PIGQ: variants seen among roughly 807,000 people sequenced by gnomAD.
PIGQ encodes the protein phosphatidylinositol glycan anchor biosynthesis class Q.
Under a neutral mutation model 60.3 loss-of-function variants are expected in PIGQ, and 54 were observed. The ratio of observed to expected loss-of-function variants is 0.90; its 90% confidence interval spans 0.72 to 1.12. The LOEUF is 1.12. PIGQ is among the 50% of genes most tolerant of loss of function. The pLI is 0.00. For missense variants in PIGQ, 799 were observed against 793.5 expected (o/e 1.01, Z -0.08); for synonymous variants, 416 against 363.7 (o/e 1.14, Z -1.64).
rs1446803088 is a variant in PIGQ, at chr16:578,855, C to G, written c.1140C>G (p.Gly380=). 6.2e-6 allele frequency: 10 copies of G among 1,613,784 alleles called. No homozygotes were observed. The highest frequency in any genetic ancestry group is 6.8e-6 in the Non-Finnish European group (8 of 1,179,922). The part of the protein sequence containing the change: ...LWHVGLSACL[G]LTVALSLLSD... ...ACGTGGGCCTCTCGGCCTGCCTGGG[C>G]CTGACGGTGGCCCTGTCCCTCCTCT... The change falls in exon 6 of 11, where the codon GGC becomes GGG. Residue 380 remains glycine (G), a synonymous_variant. Coordinates refer to ENST00000321878, the MANE Select transcript of PIGQ (RefSeq NM_004204.5).
rs573863489 is a variant in PIGQ at position 581,115 on chromosome 16, C to T, written c.1531+143C>T. On this transcript the variant is annotated intron_variant, in intron 9 of 10. Transcript: ENST00000321878. The stretch of plus-strand genomic sequence containing the variant: ...TGCATGCGCAAGCGGGCAGGGAGGA[C>T]AGGGCCTCCTAGTCCCAGAGGTCTG... 7.0e-6 allele frequency: 10 copies of T among 1,427,282 alleles called. No homozygotes were observed. The East Asian group carries it at 2.0e-4, about 28-fold the overall frequency. 88.4% of individuals were successfully genotyped at this position (1,427,282 alleles called of 1,614,324 possible). A position where few individuals can be genotyped will look rare whatever the true frequency, so the allele number is the denominator to read the frequency against.
chr16:578,695 C>T, intron 5 of PIGQ, 90 bp from the exon 6 acceptor site: 1 of 1,513,162 alleles, frequency 6.6e-7, no homozygotes, highest in Admixed American at 1.8e-5. Context: ...TGCCAGGCTA[C>T]ACGCACCTCA....
Position 582,252 on chromosome 16 carries a change from C to T in PIGQ, c.1536C>T (p.Gly512=), listed in dbSNP as rs202137470. 1.2e-5 allele frequency: 19 copies of T among 1,603,890 alleles called. No homozygotes were observed. The African/African-American group carries it at 1.3e-4, about 11-fold the overall frequency. Residue 512 remains glycine (G), a synonymous_variant, in exon 10 of 11, where the codon GGC becomes GGT. Coordinates refer to ENST00000321878, the MANE Select transcript of PIGQ (RefSeq NM_004204.5). ...AGCCGCTTGCTATCCTTGCAGCTGG[C>T]GTGAAGTTCCGTGTCCTCCGGCACG... ...RLCRPYRLAA[G]VKFRVLRHEA... is the part of the protein sequence containing the mutation.
chr16:583,059 C>G lies in PIGQ; in HGVS notation c.*24C>G, dbSNP rs770464997. 6.2e-7 allele frequency: 1 copy of G among 1,612,894 alleles called. No homozygotes were observed. Among genetic ancestry groups the G allele is most frequent in the South Asian group, 1.1e-5 (1 of 91,088 alleles). On this transcript the variant is annotated 3_prime_UTR_variant, in exon 11 of 11. Transcript: ENST00000321878. ...GAGGGAACTGCTGGCTCGCCTGGCACCACCACACGGCCACAGCCAGCCATC... is the reference window on the plus strand; with the variant it reads ...GAGGGAACTGCTGGCTCGCCTGGCAGCACCACACGGCCACAGCCAGCCATC...
At chr16:571,180 C>CGT (rs1166570136) in intron 1 of PIGQ, among the ~76,000 whole-genome samples, 36 of 486 alleles carry the variant, frequency 0.074, 2 homozygotes, top group African/African-American at 0.21. Context: ...GCCTGGCGCC[C>CGT]GTGTGTGTGT....
chr16:581,442 C>A, intron 9 of PIGQ: 1 of 854,702 alleles, frequency 1.2e-6, no homozygotes, highest in Non-Finnish European at 1.5e-6. Flanking sequence ...GGACACCTGG[C>A]TTCTTTCAGT....
At position 582,446 on chromosome 16, in the gene PIGQ, G is replaced by T. The variant is rs570355600; in HGVS notation, c.1593+137G>T. On this transcript the variant is annotated intron_variant, in intron 10 of 10. Transcript: ENST00000321878. ...AGGGAGGGCCCAGTGGAGCTGAGGG[G>T]GAAGGCCCACGCGGGACCCCCTCCC... is the stretch of plus-strand genomic sequence containing the variant. 174 of 659,768 alleles carry T rather than the reference G, an allele frequency of 2.6e-4. No individual in the cohort carries two copies. In the African/African-American group the frequency reaches 2.8e-3, roughly 11 times the overall value. The allele number at this position is 659,768 out of a possible 1,614,324, so 40.9% of individuals were successfully genotyped here. A position where few individuals can be genotyped will look rare whatever the true frequency, so the allele number is the denominator to read the frequency against.
At position 578,886 on chromosome 16, in the gene PIGQ, A is replaced by G. The variant is rs2035764662; in HGVS notation, c.1171A>G (p.Ile391Val). ...LTVALSLLSD[I>V]IALLTFHIYC... ...GGTGGCCCTGTCCCTCCTCTCGGAC[A>G]TTATCGCCCTCCTCACCTTCCACAT... Residue 391 changes from isoleucine to valine, a missense_variant, in exon 6 of 11, where the codon ATT becomes GTT. Ile to Val is a conservative substitution (Grantham distance 29). Transcript: ENST00000321878. The G allele has an allele frequency of 1.9e-6, 3 of 1,613,612 alleles. No homozygotes were observed. Among genetic ancestry groups the G allele is most frequent in the African/African-American group, 1.3e-5 (1 of 75,024 alleles).
chr16:577,954 T>G (rs1596385018), intron 4 of PIGQ: 1 of 172,190 alleles, frequency 5.8e-6, no homozygotes, highest in South Asian at 1.2e-4. Context: ...TGCGATGGGG[T>G]GGGGCCTCTG....
chr16:578,393 G>A lies in PIGQ; in HGVS notation c.957G>A (p.Glu319=), dbSNP rs2151047024. 1 of 1,611,062 alleles carries A rather than the reference G, an allele frequency of 6.2e-7. No homozygotes were observed. Among genetic ancestry groups the A allele is most frequent in the Non-Finnish European group, 8.5e-7 (1 of 1,179,744 alleles). Residue 319 remains glutamate, a synonymous_variant, in exon 5 of 11, where the codon GAG becomes GAA. Coordinates refer to ENST00000321878, the MANE Select transcript of PIGQ (RefSeq NM_004204.5). ...LVPVADHVAE[E]LQHLLQWLMG... ...TGTCCCTGCAGCACGTGGCCGAGGA[G>A]CTCCAGCATCTGCTGCAGTGGCTGA... is the stretch of plus-strand genomic sequence containing the variant.
rs1239659962 is a variant in PIGQ at position 570,102 on chromosome 16, CA to C, written c.-10+7del. 11 of 150,842 alleles carry C rather than the reference CA, an allele frequency of 7.3e-5. No individual in the cohort carries two copies. The highest frequency in any genetic ancestry group is 2.4e-4 in the African/African-American group (10 of 41,342). 9.3% of individuals were successfully genotyped at this position (150,842 alleles called of 1,614,324 possible). A position where few individuals can be genotyped will look rare whatever the true frequency, so the allele number is the denominator to read the frequency against. ...CGCGGCCCCGGAAGCACCCGGTGAG[CA>C]GGGGGGGTGGGCGGCGCGCGGCGGG... On this transcript the variant is annotated splice_region_variant and intron_variant, in intron 1 of 10. Coordinates refer to ENST00000321878, the MANE Select transcript of PIGQ (RefSeq NM_004204.5).
chr16:578,646 G>A, intron 5 of PIGQ, 139 bp from the exon 6 acceptor site: 4 of 1,402,856 alleles, frequency 2.9e-6, no homozygotes, highest in Non-Finnish European at 3.9e-6. Flanking sequence ...CTCAGCTGAG[G>A]GCTGGGGCCT....
chr16:580,964 G>A lies in PIGQ; in HGVS notation c.1523G>A (p.Arg508Lys), dbSNP rs765046169. The A allele has an allele frequency of 2.5e-6, 4 of 1,606,632 alleles. No individual in the cohort carries two copies. Among genetic ancestry groups the A allele is most frequent in the Non-Finnish European group, 3.4e-6 (4 of 1,174,898 alleles). The stretch of plus-strand genomic sequence containing the variant: ...GGTCTTCGGCTCTGCCGGCCCTACA[G>A]GCTGGCGGGTAAGTGCTGCGTATTG... The part of the protein sequence containing the change: ...SLGLRLCRPY[R>K]LAAGVKFRVL... Residue 508 changes from arginine to lysine, a missense_variant, in exon 9 of 11, where the codon AGG (arginine) becomes AAG (lysine). Arg to Lys is a conservative substitution (Grantham distance 26, BLOSUM62 2). Transcript: ENST00000321878.
At chr16:582,589 C>T in intron 10 of PIGQ, 1 of 569,072 alleles carries the variant, frequency 1.8e-6, no homozygotes, top group Non-Finnish European at 3.1e-6. Flanking sequence ...GGCTCAAGTT[C>T]TGGGTGGAAC....
chr16:576,279 G>C (rs1288160491), intron 4 of PIGQ, 25 bp downstream of exon 4: 5 of 1,549,266 alleles, frequency 3.2e-6, no homozygotes, highest in Non-Finnish European at 4.4e-6. Context: ...GTGGAGCCCG[G>C]TGTCCCGGGT....
chr16:571,658 C>T (rs1193889656), intron 1 of PIGQ, among the ~76,000 whole-genome samples: 3 of 150,870 alleles, frequency 2.0e-5, no homozygotes, highest in African/African-American at 7.3e-5. Flanking sequence ...TAAAGATGCT[C>T]ACGTTGCTTT....
intron 1 of PIGQ, among the ~76,000 whole-genome samples, chr16:573,705 C>G (rs2035669279): frequency 1.3e-5 from 2 of 152,312 alleles, no homozygotes; most frequent in Admixed American, 1.3e-4. Context: ...AACTAAGAAG[C>G]CTGGAGTTCG....
intron 4 of PIGQ, chr16:577,382 C>T (rs112628156): frequency 6.6e-6 from 1 of 151,604 alleles, no homozygotes; most frequent in South Asian, 2.1e-4. Context: ...TCGAGACCAT[C>T]CTGGCTAACA....
At chr16:579,393 G>C (rs371626721) in intron 7 of PIGQ, 5 of 588,120 alleles carry the variant, frequency 8.5e-6, no homozygotes, top group African/African-American at 3.7e-5. Context: ...AGAAGAGACA[G>C]ACACACAGCC....
Sources: allele counts gnomAD v4.1 joint callset (sites outside exome capture counted in the v4.1 genomes callset), GRCh38; gene constraint gnomAD v4.1.1; transcripts MANE v1.5; gene names NCBI Gene and HGNC (gene_info 2026-07-23, HGNC 2026-07-21).